Variants in GPR180 observed in about 807,000 individuals in gnomAD.
The protein encoded by GPR180 is G protein-coupled receptor 180.
In GPR180, 53 loss-of-function variants were observed where a neutral mutation model predicts 52.6. The observed-to-expected ratio is 1.01, with a 90% CI of 0.81 to 1.27. GPR180 has a LOEUF of 1.27. Among genes scored for constraint, GPR180 ranks in the 50% most tolerant of loss-of-function variants. GPR180 has a pLI of 0.00. For synonymous variants in GPR180, 200 were observed against 193.1 expected, an observed-to-expected ratio of 1.04 and a Z score of -0.30; for missense variants, 533 against 527.0, an observed-to-expected ratio of 1.01 and a Z score of -0.11.
chr13:94,602,482 C>CTT (rs34288293), intron 1 of GPR180, among the ~76,000 whole-genome samples: 48,534 of 134,256 alleles, frequency 0.36, 8,859 homozygotes, highest in Non-Finnish European at 0.38. Flanking sequence ...CTTAAATTTC[C>CTT]TTTTTTTTTT....
In GPR180 at chr13:94,628,169, G is replaced by T. The variant is rs780687651; in HGVS notation, c.*998G>T. On this transcript the variant is annotated 3_prime_UTR_variant, in exon 9 of 9. Transcript: ENST00000376958. ...ACACTCACTGGATTTGTTATAATCC[G>T]TGTTGGCACTGGATTCTAAGTAGTT... The T allele has an allele frequency of 6.6e-6, 1 of 152,402 alleles. No homozygotes were observed. Among genetic ancestry groups the T allele is most frequent in the Non-Finnish European group, 1.5e-5 (1 of 67,914 alleles). The allele number at this position is 152,402 out of a possible 1,614,324, so 9.4% of individuals were successfully genotyped here. A position where few individuals can be genotyped will look rare whatever the true frequency, so the allele number is the denominator to read the frequency against.
chr13:94,606,130 A>G (rs747908703), intron 2 of GPR180, among the ~76,000 whole-genome samples: 1 of 152,188 alleles, frequency 6.6e-6, no homozygotes, highest in Non-Finnish European at 1.5e-5. Flanking sequence ...CGTCTCTACT[A>G]AAAATACAGA....
In GPR180 at chr13:94,627,420, A is replaced by G. The variant is rs1889942565; in HGVS notation, c.*249A>G. 7.1e-6 allele frequency: 3 copies of G among 423,434 alleles called. No homozygotes were observed. The South Asian group carries it at 1.2e-4, about 17-fold the overall frequency. 26.2% of individuals were successfully genotyped at this position (423,434 alleles called of 1,614,324 possible). On this transcript the variant is annotated 3_prime_UTR_variant, in exon 9 of 9. Coordinates refer to ENST00000376958, the MANE Select transcript of GPR180 (RefSeq NM_180989.6). ...TTATAAAATTATTGAAGCGATTTCT[A>G]TGTGGAAATAAATGTGAAAAATAAC...
At chr13:94,624,034 C>T (rs1007452211) in intron 7 of GPR180, among the ~76,000 whole-genome samples, 2 of 152,194 alleles carry the variant, frequency 1.3e-5, no homozygotes, top group Non-Finnish European at 2.9e-5. Flanking sequence ...CAGCTGGAGC[C>T]AGGAGGCTGA....
intron 6 of GPR180, 83 bp downstream of exon 6, chr13:94,621,318 GGGACCCAT>G: frequency 9.0e-7 from 1 of 1,107,624 alleles, no homozygotes; most frequent in South Asian, 2.3e-5. Context: ...ATTGAAACCT[GGGACCCAT>G]AAGGAATTTG....
intron 2 of GPR180, among the ~76,000 whole-genome samples, chr13:94,606,090 G>A (rs977624514): frequency 6.6e-6 from 1 of 152,200 alleles, no homozygotes; most frequent in Non-Finnish European, 1.5e-5. Flanking sequence ...TTGGGAGTTT[G>A]AGACCAGCCT....
At position 94,601,898 on chromosome 13, in the gene GPR180, C is replaced by G. The variant is rs999516735; in HGVS notation, c.-30C>G. On this transcript the variant is annotated 5_prime_UTR_variant, in exon 1 of 9. Coordinates refer to ENST00000376958, the MANE Select transcript of GPR180 (RefSeq NM_180989.6). ...CGGGCAGCCGCCGGCGGCTGGGAGC[C>G]GAGGCGTCGGTGCAGACCTGGAGAC... is the stretch of plus-strand genomic sequence containing the variant. 2.0e-5 allele frequency: 27 copies of G among 1,380,912 alleles called. No homozygotes were observed. Among genetic ancestry groups the G allele is most frequent in the Non-Finnish European group, 2.4e-5 (26 of 1,068,216 alleles). The allele number at this position is 1,380,912 out of a possible 1,614,324, so 85.5% of individuals were successfully genotyped here. A position where few individuals can be genotyped will look rare whatever the true frequency, so the allele number is the denominator to read the frequency against.
At chr13:94,612,432 A>C in intron 3 of GPR180, 42 bp downstream of exon 3, 1 of 1,370,828 alleles carries the variant, frequency 7.3e-7, no homozygotes. Context: ...TCAGGAAAAG[A>C]TTTATGTACA....
At position 94,630,886 on chromosome 13, in the gene GPR180, A is replaced by G. The variant is rs967054862; in HGVS notation, c.*3715A>G. 1.3e-5 allele frequency: 2 copies of G among 152,254 alleles called. No individual in the cohort carries two copies. The highest frequency in any genetic ancestry group is 2.9e-5 in the Non-Finnish European group (2 of 68,050). The allele number at this position is 152,254 out of a possible 1,614,324, so 9.4% of individuals were successfully genotyped here. A position where few individuals can be genotyped will look rare whatever the true frequency, so the allele number is the denominator to read the frequency against. ...CTCTTCCATGCATAATTTCAGGACA[A>G]TGTAGGCCATAAGAAATGTTTGATA... On this transcript the variant is annotated 3_prime_UTR_variant, in exon 9 of 9. Transcript: ENST00000376958.
At chr13:94,604,059 C>T (rs1378401867) in intron 1 of GPR180, among the ~76,000 whole-genome samples, 3 of 151,914 alleles carry the variant, frequency 2.0e-5, no homozygotes, top group Non-Finnish European at 2.9e-5. Context: ...GGTGGCTGGG[C>T]GTGGTGGCTC....
rs768039022 is a variant in GPR180, at chr13:94,623,256, G to T, written c.1042G>T (p.Glu348Ter). The T allele has an allele frequency of 1.9e-5, 31 of 1,613,918 alleles. No homozygotes were observed. Among genetic ancestry groups the T allele is most frequent in the Non-Finnish European group, 2.6e-5 (31 of 1,179,934 alleles). The change falls in exon 7 of 9, where the codon GAG becomes TAG. Residue 348 changes from glutamate (E) to a stop codon, truncating the protein, a stop_gained. Transcript: ENST00000376958. LOFTEE classifies it high-confidence loss of function. ...GCGLYQIITV[E>*]RSTLKREFYI... Reference sequence around the variant, plus strand: ...TGGACTCTATCAGATCATCACAGTGGAGAGAAGTACACTCAAAAGGGAGTT... The same window carrying T: ...TGGACTCTATCAGATCATCACAGTGTAGAGAAGTACACTCAAAAGGGAGTT...
At position 94,630,869 on chromosome 13, in the gene GPR180, T is replaced by C. The variant is rs549310341; in HGVS notation, c.*3698T>C. The C allele has an allele frequency of 6.6e-6, 1 of 152,350 alleles. No individual in the cohort carries two copies. Among genetic ancestry groups the C allele is most frequent in the East Asian group, 1.9e-4 (1 of 5,182 alleles). 9.4% of individuals were successfully genotyped at this position (152,350 alleles called of 1,614,324 possible). ...ATAGGTTCTGCAGAATTCTCTTCCA[T>C]GCATAATTTCAGGACAATGTAGGCC... On this transcript the variant is annotated 3_prime_UTR_variant, in exon 9 of 9. Transcript: ENST00000376958.
chr13:94,629,085 T>C lies in GPR180; in HGVS notation c.*1914T>C, dbSNP rs2138572987. 6.6e-6 allele frequency: 1 copy of C among 152,264 alleles called. No individual in the cohort carries two copies. The highest frequency in any genetic ancestry group is 1.5e-5 in the Non-Finnish European group (1 of 67,986). The allele number at this position is 152,264 out of a possible 1,614,324, so 9.4% of individuals were successfully genotyped here. A position where few individuals can be genotyped will look rare whatever the true frequency, so the allele number is the denominator to read the frequency against. The stretch of plus-strand genomic sequence containing the variant: ...AATTTATTTTGTTATTTAAGAGCTG[T>C]TGTTAAGTGGAGGAAAGTAGTTGTT... On this transcript the variant is annotated 3_prime_UTR_variant, in exon 9 of 9. Transcript: ENST00000376958.
rs148508298 is a variant in GPR180 at position 94,623,267 on chromosome 13, A to G, written c.1053A>G (p.Thr351=). 30 of 1,613,558 alleles carry G rather than the reference A, an allele frequency of 1.9e-5. 1 individual carries two copies. In the African/African-American group the frequency reaches 3.9e-4, roughly 21 times the overall value. ...LYQIITVERS[T]LKREFYITFA... is the part of the protein sequence containing the mutation. Reference sequence around the variant, plus strand: ...AGATCATCACAGTGGAGAGAAGTACACTCAAAAGGGAGTTCTACATCACAT... The same window carrying G: ...AGATCATCACAGTGGAGAGAAGTACGCTCAAAAGGGAGTTCTACATCACAT... The change falls in exon 7 of 9, where the codon ACA becomes ACG. Residue 351 remains threonine, a synonymous_variant. Coordinates refer to ENST00000376958, the MANE Select transcript of GPR180 (RefSeq NM_180989.6).
At chr13:94,623,340 ACTTGG>A in intron 7 of GPR180, 40 bp downstream of exon 7, 1 of 1,489,850 alleles carries the variant, frequency 6.7e-7, no homozygotes, top group Non-Finnish European at 9.2e-7. Context: ...CTGATTATCC[ACTTGG>A]TTCTGGTTTC....
Position 94,627,100 on chromosome 13 carries a change from GT to G in GPR180, c.1255del (p.Ser419LeufsTer6). On this transcript the variant is annotated frameshift_variant, in exon 9 of 9. Transcript: ENST00000376958. LOFTEE classifies it high-confidence loss of function. ...LFLSHSLYWE[V>X]SSLSSVTLPL... ...TCTGTCTCACAGTCTATACTGGGAA[GT>G]TTCTTCACTTTCTTCAGTAACACTA... 6.2e-7 allele frequency: 1 copy of G among 1,613,140 alleles called. No individual in the cohort carries two copies. The highest frequency in any genetic ancestry group is 8.5e-7 in the Non-Finnish European group (1 of 1,179,488).
intron 2 of GPR180, among the ~76,000 whole-genome samples, chr13:94,606,622 A>G (rs1156434230): frequency 6.6e-6 from 1 of 152,210 alleles, no homozygotes; most frequent in African/African-American, 2.4e-5. Context: ...TCAGGGACTC[A>G]TCCATATATG....
In GPR180 at chr13:94,604,662, G is replaced by T. The variant is rs144519887; in HGVS notation, c.146-729G>T. ...GTAATCAAAGCTGACTGCAGCCTCAGACTCCTAGGCTAAAGCCATCCTCCC... is the reference window on the plus strand; with the variant it reads ...GTAATCAAAGCTGACTGCAGCCTCATACTCCTAGGCTAAAGCCATCCTCCC... On this transcript the variant is annotated intron_variant, in intron 1 of 8. Transcript: ENST00000376958. Among the ~76,000 whole-genome samples the T allele has an allele frequency of 4.9e-3, 750 of 152,124 alleles. 5 individuals are homozygous for T. Among genetic ancestry groups the T allele is most frequent in the Middle Eastern group, 0.02 (6 of 294 alleles).
In GPR180 at chr13:94,631,908, C is replaced by T. The variant is rs898517746; in HGVS notation, c.*4737C>T. 1 of 152,096 alleles carries T rather than the reference C, an allele frequency of 6.6e-6. No individual in the cohort carries two copies. Among genetic ancestry groups the T allele is most frequent in the Non-Finnish European group, 1.5e-5 (1 of 68,038 alleles). The allele number at this position is 152,096 out of a possible 1,614,324, so 9.4% of individuals were successfully genotyped here. A position where few individuals can be genotyped will look rare whatever the true frequency, so the allele number is the denominator to read the frequency against. ...TGTAATAGGACCATGTGTCTGGTTT[C>T]TGGCCTGCCACAACCAGAAGCACCA... On this transcript the variant is annotated 3_prime_UTR_variant, in exon 9 of 9. Transcript: ENST00000376958.
Sources: gnomAD v4.1 joint callset for allele counts (sites outside exome capture counted in the v4.1 genomes callset) on GRCh38, gnomAD v4.1.1 for gene constraint, MANE v1.5 for transcripts, NCBI Gene and HGNC (gene_info 2026-07-23, HGNC 2026-07-21) for gene names.